SHANK2: variants seen among roughly 807,000 people sequenced by gnomAD.
SHANK2 encodes SH3 and multiple ankyrin repeat domains protein 2.
Under a neutral mutation model 133.7 loss-of-function variants are expected in SHANK2, and 43 were observed. The observed-to-expected ratio is 0.32, with a 90% CI of 0.25 to 0.41. The LOEUF is 0.41. Among genes scored for constraint, SHANK2 ranks in the 10% least tolerant of loss-of-function variants. The pLI is 1.00. For synonymous variants in SHANK2, 1,017 were observed against 952.8 expected (o/e 1.07, Z -1.24); for missense variants, 1,994 against 2,235.8 (o/e 0.89, Z 2.18).
intron 17 of SHANK2, among the ~76,000 whole-genome samples, chr11:70,540,858 A>AC (rs2059613415): frequency 6.6e-6 from 1 of 151,572 alleles, no homozygotes; most frequent in African/African-American, 2.4e-5. Flanking sequence ...AAAAAAAAAA[A>AC]AAACTCAGAT....
At chr11:70,948,632 C>T (rs561830839) in intron 10 of SHANK2, among the ~76,000 whole-genome samples, 24 of 152,296 alleles carry the variant, frequency 1.6e-4, no homozygotes, top group Admixed American at 9.2e-4. Context: ...AGCAGGGCCA[C>T]GACGCTGCAA....
chr11:71,168,139 C>T (rs1263441817), intron 2 of SHANK2, among the ~76,000 whole-genome samples: 3 of 138,588 alleles, frequency 2.2e-5, no homozygotes, highest in African/African-American at 8.5e-5. Context: ...GGTCTCCTCA[C>T]TTCTCAGACG....
At chr11:70,849,523 G>C (rs552504493) in intron 11 of SHANK2, among the ~76,000 whole-genome samples, 1 of 152,284 alleles carries the variant, frequency 6.6e-6, no homozygotes, top group South Asian at 2.1e-4. Flanking sequence ...GTGGACCCCA[G>C]AGCCAACTGT....
intron 9 of SHANK2, among the ~76,000 whole-genome samples, chr11:71,070,728 T>C (rs1026250111): frequency 6.6e-6 from 1 of 152,270 alleles, no homozygotes; most frequent in Non-Finnish European, 1.5e-5. Context: ...ACTTACATAC[T>C]GTCTATGGCT....
rs1299314819 is a variant in SHANK2, at chr11:70,758,986, C to T, written c.1777+39457G>A. Among the ~76,000 whole-genome samples the T allele has an allele frequency of 3.3e-5, 5 of 150,842 alleles. No individual in the cohort carries two copies. The South Asian group carries it at 6.3e-4, about 19-fold the overall frequency. ...CCTTCCTGGCCAACATGGTGAAACT[C>T]TGTCTCCACTAAAAATACAAAAATT... On this transcript the variant is annotated intron_variant, in intron 14 of 25. Transcript: ENST00000601538.
intron 17 of SHANK2, among the ~76,000 whole-genome samples, chr11:70,585,286 T>C (rs530457501): frequency 1.3e-5 from 2 of 152,266 alleles, no homozygotes; most frequent in East Asian, 1.9e-4. Flanking sequence ...GGATGACCAG[T>C]AGAGCCAGCT....
chr11:71,191,542 C>G (rs1357666308), intron 2 of SHANK2, among the ~76,000 whole-genome samples: 2 of 152,054 alleles, frequency 1.3e-5, no homozygotes, highest in African/African-American at 4.8e-5. Context: ...GTTTCCTCAT[C>G]TCCTCCTCTG....
intron 9 of SHANK2, among the ~76,000 whole-genome samples, chr11:71,069,799 C>G (rs1257034479): frequency 6.6e-6 from 1 of 152,194 alleles, no homozygotes; most frequent in Non-Finnish European, 1.5e-5. Context: ...CTCCTGACTC[C>G]TTTCCTTGAA....
chr11:70,485,792 C>T lies in SHANK2; in HGVS notation c.4501G>A (p.Asp1501Asn), dbSNP rs1555153078. Residue 1501 changes from aspartate (D) to asparagine (N), a missense_variant, in exon 25 of 26, where the codon GAC becomes AAC. Transcript: ENST00000601538. The surrounding 1 kb of genome is among the most constrained non-coding windows in gnomAD (Gnocchi z 5.8). ...IEEVDSRSSS[D>N]HHLETTSTIS... is the part of the protein sequence containing the mutation. Reference sequence around the variant, plus strand: ...GTGCTGGTCGTCTCGAGGTGGTGGTCGCTGCTACTCCGGCTGTCCACCTCC... The same window carrying T: ...GTGCTGGTCGTCTCGAGGTGGTGGTTGCTGCTACTCCGGCTGTCCACCTCC... The T allele has an allele frequency of 1.9e-6, 3 of 1,613,874 alleles. No homozygotes were observed. Among genetic ancestry groups the T allele is most frequent in the East Asian group, 2.2e-5 (1 of 44,854 alleles).
At chr11:70,779,430 A>G (rs1947435204) in intron 14 of SHANK2, among the ~76,000 whole-genome samples, 1 of 152,142 alleles carries the variant, frequency 6.6e-6, no homozygotes, top group African/African-American at 2.4e-5. Flanking sequence ...TTAGATTACA[A>G]TTGTGCTAAT....
intron 10 of SHANK2, among the ~76,000 whole-genome samples, chr11:70,927,497 G>A (rs976915938): frequency 1.3e-5 from 2 of 151,860 alleles, no homozygotes; most frequent in Admixed American, 1.3e-4. Context: ...GAGGGCAGGC[G>A]AGTCAACACA....
At position 70,533,210 on chromosome 11, in the gene SHANK2, A is replaced by G. The variant is rs528636099; in HGVS notation, c.2062-30279T>C. Among the ~76,000 whole-genome samples the G allele has an allele frequency of 1.6e-4, 25 of 152,174 alleles. 1 individual carries two copies. The highest frequency in any genetic ancestry group is 5.8e-4 in the African/African-American group (24 of 41,500). On this transcript the variant is annotated intron_variant, in intron 17 of 25. Coordinates refer to ENST00000601538, the MANE Select transcript of SHANK2 (RefSeq NM_012309.5). Reference sequence around the variant, plus strand: ...GTGATTGTGTCGAATATCACTGTACACTTTTGAATGGTGAATTTTATGTGT... The same window carrying G: ...GTGATTGTGTCGAATATCACTGTACGCTTTTGAATGGTGAATTTTATGTGT...
intron 2 of SHANK2, among the ~76,000 whole-genome samples, chr11:71,169,664 C>A (rs1373952977): frequency 1.3e-5 from 2 of 151,326 alleles, no homozygotes; most frequent in Non-Finnish European, 2.9e-5. Context: ...GGCAGGAAAA[C>A]CGCTTGAACC....
chr11:70,876,028 T>C (rs1262208075), intron 11 of SHANK2, among the ~76,000 whole-genome samples: 1 of 151,640 alleles, frequency 6.6e-6, no homozygotes, highest in Non-Finnish European at 1.5e-5. Context: ...TGGTGGTGCA[T>C]GCCTGTAATC....
intron 24 of SHANK2, 96 bp downstream of exon 24, chr11:70,489,232 A>G (rs1327381044): frequency 8.6e-6 from 11 of 1,278,318 alleles, no homozygotes; most frequent in Admixed American, 3.4e-5. Flanking sequence ...CTGTCTGGCA[A>G]TTCTGTTCCC....
At chr11:71,230,775 A>G (rs1335374296) in intron 1 of SHANK2, among the ~76,000 whole-genome samples, 2 of 152,166 alleles carry the variant, frequency 1.3e-5, no homozygotes, top group African/African-American at 4.8e-5. Flanking sequence ...CCACACAAAT[A>G]TGCCCAACTG....
At chr11:71,201,461 C>T (rs1165443363) in intron 2 of SHANK2, among the ~76,000 whole-genome samples, 2 of 152,248 alleles carry the variant, frequency 1.3e-5, no homozygotes, top group East Asian at 3.8e-4. Flanking sequence ...CACTCCAATG[C>T]CATGATGGTC....
chr11:70,704,731 TG>T (rs1428432750), intron 14 of SHANK2, among the ~76,000 whole-genome samples: 5 of 152,170 alleles, frequency 3.3e-5, no homozygotes, highest in African/African-American at 1.2e-4. Context: ...GTTCAAGGTC[TG>T]GGGTCAGGGA....
intron 17 of SHANK2, among the ~76,000 whole-genome samples, chr11:70,649,184 G>A (rs1213857156): frequency 4.6e-5 from 7 of 152,162 alleles, no homozygotes; most frequent in African/African-American, 1.4e-4. Context: ...GCTGAAGGAG[G>A]TGCACATGCC....
Sources: allele counts gnomAD v4.1 joint callset (sites outside exome capture counted in the v4.1 genomes callset), GRCh38; gene constraint gnomAD v4.1.1; non-coding constraint Gnocchi (gnomAD v3.1); transcripts MANE v1.5; gene names NCBI Gene and HGNC (gene_info 2026-07-23, HGNC 2026-07-21).